Variants in CEACAM16 observed in about 807,000 individuals in gnomAD.
The protein encoded by CEACAM16 is cell adhesion molecule CEACAM16.
CEACAM16 carries 30 observed loss-of-function variants against 39.4 expected under a neutral mutation model. That is an observed-to-expected ratio of 0.76 (90% confidence interval 0.57 to 1.03). The LOEUF is 1.03. CEACAM16 is among the 50% of genes least tolerant of loss of function. The pLI, the probability that CEACAM16 is intolerant of heterozygous loss-of-function variation, is 0.00. For missense variants in CEACAM16, 521 were observed against 585.3 expected, an observed-to-expected ratio of 0.89 and a Z score of 1.13; for synonymous variants, 262 against 264.9, an observed-to-expected ratio of 0.99 and a Z score of 0.11.
Position 44,701,375 on chromosome 19 carries a change from G to A in CEACAM16, c.-82G>A, listed in dbSNP as rs1029233453. 23 of 1,445,596 alleles carry A rather than the reference G, an allele frequency of 1.6e-5. No individual in the cohort carries two copies. The highest frequency in any genetic ancestry group is 1.7e-4 in the Middle Eastern group (1 of 5,816). The allele number at this position is 1,445,596 out of a possible 1,614,324, so 89.5% of individuals were successfully genotyped here. On this transcript the variant is annotated 5_prime_UTR_variant, in exon 2 of 7. Coordinates refer to ENST00000587331, the MANE Select transcript of CEACAM16 (RefSeq NM_001039213.4). This position sits in a 1 kb window ranked among gnomAD's most constrained non-coding sequence, Gnocchi z 4.0. ...AACCCTCCCAGGTCCTGCGGCAGAC[G>A]GAGCCGAGCCCCAACCAGGAAGGGA...
chr19:44,703,244 G>A (rs1030391315), intron 2 of CEACAM16, 105 bp from the exon 3 acceptor site: 29 of 1,004,274 alleles, frequency 2.9e-5, no homozygotes, highest in Middle Eastern at 2.6e-4. Context: ...TTTACACAGA[G>A]GACACTGGGC....
chr19:44,706,269 T>TCC (rs1974446668), intron 5 of CEACAM16, among the ~76,000 whole-genome samples: 1 of 132,616 alleles, frequency 7.5e-6, no homozygotes, highest in African/African-American at 2.8e-5. Flanking sequence ...ATGATGGGTA[T>TCC]ACACACACAC....
intron 2 of CEACAM16, among the ~76,000 whole-genome samples, chr19:44,703,012 C>T (rs1974374126): frequency 6.6e-6 from 1 of 152,206 alleles, no homozygotes; most frequent in Non-Finnish European, 1.5e-5. Context: ...ATGTATTGGG[C>T]ACTTACTGTA....
intron 3 of CEACAM16, 132 bp downstream of exon 3, chr19:44,703,825 A>C: frequency 2.9e-6 from 3 of 1,029,000 alleles, no homozygotes; most frequent in Non-Finnish European, 4.1e-6. Context: ...AGTTTCTAAA[A>C]TAACCTCAAA....
At position 44,708,015 on chromosome 19, in the gene CEACAM16, G is replaced by A. The variant is rs1974478212; in HGVS notation, c.1095G>A (p.Leu365=). 3.1e-6 allele frequency: 5 copies of A among 1,611,182 alleles called. No individual in the cohort carries two copies. The African/African-American group carries it at 4.0e-5, about 13-fold the overall frequency. Residue 365 remains leucine (L), a synonymous_variant, in exon 6 of 7, where the codon CTG becomes CTA. Coordinates refer to ENST00000587331, the MANE Select transcript of CEACAM16 (RefSeq NM_001039213.4). ...AGCCCAACCGGCTGCTCAGCCAGCT[G>A]CCGTCAGGAACCTGGATTGCAGGCC... is the stretch of plus-strand genomic sequence containing the variant. ...ASEPNRLLSQ[L]PSGTWIAGPA...
intron 3 of CEACAM16, 84 bp from the exon 4 acceptor site, chr19:44,703,934 G>T (rs1250570022): frequency 2.1e-6 from 3 of 1,431,228 alleles, no homozygotes; most frequent in Non-Finnish European, 2.8e-6. Flanking sequence ...GCCACAATCC[G>T]GCCATGCCCC....
intron 2 of CEACAM16, among the ~76,000 whole-genome samples, chr19:44,702,860 C>T (rs990978461): frequency 2.0e-5 from 3 of 152,208 alleles, no homozygotes; most frequent in South Asian, 2.1e-4. Flanking sequence ...TCCTGTGGGC[C>T]GAGCACTTGC....
chr19:44,700,431 C>G (rs559695631), intron 1 of CEACAM16, among the ~76,000 whole-genome samples: 1 of 152,114 alleles, frequency 6.6e-6, no homozygotes, highest in African/African-American at 2.4e-5. Context: ...TGCCACCACG[C>G]CTGGCTATTT....
In CEACAM16 at chr19:44,710,672, T is replaced by C. The variant is rs2122209889; in HGVS notation, c.*166T>C. 3.1e-6 allele frequency: 3 copies of C among 952,486 alleles called. No individual in the cohort carries two copies. Among genetic ancestry groups the C allele is most frequent in the South Asian group, 3.1e-5 (2 of 63,872 alleles). 59.0% of individuals were successfully genotyped at this position (952,486 alleles called of 1,614,324 possible). On this transcript the variant is annotated 3_prime_UTR_variant, in exon 7 of 7. Coordinates refer to ENST00000587331, the MANE Select transcript of CEACAM16 (RefSeq NM_001039213.4). ...GAGCCACAGGGCCCCACTCCCTCGC[T>C]GAGCTGTTGGGGAGCCACCGAGGCC...
rs369718143 is a variant in CEACAM16 at position 44,704,290 on chromosome 19, G to T, written c.655G>T (p.Val219Leu). The part of the protein sequence containing the change: ...VSRSEPINLT[V>L]YFGPERVAIL... ...CCGCAGCGAGCCCATCAACCTGACCGTGTACTGTGAGTCCTCCTGGCCCCA... is the reference window on the plus strand; with the variant it reads ...CCGCAGCGAGCCCATCAACCTGACCTTGTACTGTGAGTCCTCCTGGCCCCA... Residue 219 changes from valine to leucine, a missense_variant, in exon 4 of 7, where the codon GTG (valine) becomes TTG (leucine). Physicochemically the swap from Val to Leu is conservative, Grantham distance 32. Transcript: ENST00000587331. The T allele has an allele frequency of 1.3e-6, 2 of 1,505,876 alleles. No individual in the cohort carries two copies. Among genetic ancestry groups the T allele is most frequent in the Non-Finnish European group, 1.8e-6 (2 of 1,123,014 alleles). The allele number at this position is 1,505,876 out of a possible 1,614,324, so 93.3% of individuals were successfully genotyped here. A position where few individuals can be genotyped will look rare whatever the true frequency, so the allele number is the denominator to read the frequency against.
In CEACAM16 at chr19:44,707,112, C is replaced by T. The variant is rs539924118; in HGVS notation, c.941-749C>T. 2.0e-5 allele frequency among the ~76,000 whole-genome samples: 3 copies of T among 152,264 alleles called. No individual in the cohort carries two copies. In the South Asian group the frequency reaches 6.2e-4, roughly 32 times the overall value. On this transcript the variant is annotated intron_variant, in intron 5 of 6. Coordinates refer to ENST00000587331, the MANE Select transcript of CEACAM16 (RefSeq NM_001039213.4). ...ACAGTCTGCACTTGGGGAGAAATTT[C>T]CTTCTGATGGGGAGACTTGGTCTCC... is the stretch of plus-strand genomic sequence containing the variant.
At chr19:44,700,824 A>G (rs1276945603) in intron 1 of CEACAM16, among the ~76,000 whole-genome samples, 1 of 152,242 alleles carries the variant, frequency 6.6e-6, no homozygotes, top group Non-Finnish European at 1.5e-5. Context: ...GTGGCCATAC[A>G]GTTTCCTGCC....
At chr19:44,703,795 A>G in intron 3 of CEACAM16, 102 bp downstream of exon 3, 1 of 1,098,622 alleles carries the variant, frequency 9.1e-7, no homozygotes, top group Non-Finnish European at 1.3e-6. Flanking sequence ...ACAAATCATC[A>G]GGGAAACCAT....
At chr19:44,708,353 C>T (rs1439140320) in intron 6 of CEACAM16, among the ~76,000 whole-genome samples, 166 bp downstream of exon 6, 1 of 152,192 alleles carries the variant, frequency 6.6e-6, no homozygotes, top group East Asian at 1.9e-4. Context: ...CTTGGGGGTC[C>T]CCAAATAGGG....
chr19:44,699,505 T>C, intron 1 of CEACAM16: 1 of 445,290 alleles, frequency 2.2e-6, no homozygotes, highest in Non-Finnish European at 4.6e-6. Context: ...GCCTCCCAAG[T>C]AGCTGGGATT....
At chr19:44,709,004 G>A (rs1266275503) in intron 6 of CEACAM16, among the ~76,000 whole-genome samples, 4 of 152,176 alleles carry the variant, frequency 2.6e-5, no homozygotes, top group Non-Finnish European at 4.4e-5. Flanking sequence ...AGCTTCTAGA[G>A]TCAGAAACTA....
intron 6 of CEACAM16, 92 bp from the exon 7 acceptor site, chr19:44,710,404 G>A (rs1195752200): frequency 5.5e-6 from 8 of 1,454,426 alleles, no homozygotes; most frequent in Non-Finnish European, 7.5e-6. Context: ...GCCCGGGGTG[G>A]GCAGGGGAGC....
rs1168813915 is a variant in CEACAM16 at position 44,701,434 on chromosome 19, CAAG to C, written c.-21_-19del. 6.4e-7 allele frequency: 1 copy of C among 1,558,940 alleles called. No individual in the cohort carries two copies. The highest frequency in any genetic ancestry group is 8.7e-7 in the Non-Finnish European group (1 of 1,150,858). ...ACTGGGACTTCAACGCCACCATCTC[CAAG>C]ACTCGGTTTGGGGTGAAAGATGGCG... On this transcript the variant is annotated 5_prime_UTR_variant, in exon 2 of 7. Transcript: ENST00000587331. The surrounding 1 kb of genome is among the most constrained non-coding windows in gnomAD (Gnocchi z 4.0).
At chr19:44,705,948 C>G in intron 5 of CEACAM16, 80 bp downstream of exon 5, 1 of 1,470,830 alleles carries the variant, frequency 6.8e-7, no homozygotes, top group Non-Finnish European at 9.3e-7. Context: ...ACCATTTGCC[C>G]AACAGAGAAT....
Sources: allele counts gnomAD v4.1 joint callset (sites outside exome capture counted in the v4.1 genomes callset), GRCh38; gene constraint gnomAD v4.1.1; non-coding constraint Gnocchi (gnomAD v3.1); transcripts MANE v1.5; gene names NCBI Gene and HGNC (gene_info 2026-07-23, HGNC 2026-07-21).